The following CHD9 variants were observed in gnomAD, a reference collection of about 807,000 sequenced individuals.
CHD9 encodes ATP-dependent chromatin remodeler CHD9.
A neutral mutation model predicts 316.1 loss-of-function variants in CHD9; 77 were observed. The ratio of observed to expected loss-of-function variants is 0.24; its 90% CI spans 0.20 to 0.29. The LOEUF (loss-of-function observed/expected upper bound fraction) is 0.29. CHD9 is among the 10% of genes least tolerant of loss of function. CHD9 has a pLI of 1.00. For synonymous variants in CHD9, 1,129 were observed against 1,158.3 expected (o/e 0.97, Z 0.51); for missense variants, 2,763 against 3,438.1 (o/e 0.80, Z 4.91).
chr16:53,248,803 T>A (rs578066104), intron 16 of CHD9, among the ~76,000 whole-genome samples: 1 of 152,294 alleles, frequency 6.6e-6, no homozygotes, highest in East Asian at 1.9e-4. Context: ...ATTATAGGCA[T>A]GAGCCACTGC....
At chr16:53,301,628 C>G (rs959164754) in intron 30 of CHD9, among the ~76,000 whole-genome samples, 2 of 151,920 alleles carry the variant, frequency 1.3e-5, no homozygotes, top group Non-Finnish European at 2.9e-5. Flanking sequence ...GTTTCCTGCT[C>G]CATATTGATT....
chr16:53,110,374 A>G (rs959816690), intron 1 of CHD9, among the ~76,000 whole-genome samples: 7 of 152,184 alleles, frequency 4.6e-5, no homozygotes, highest in African/African-American at 1.4e-4. Flanking sequence ...AGGCCAGATG[A>G]TCAACTGAGC....
intron 34 of CHD9, among the ~76,000 whole-genome samples, chr16:53,309,506 T>C (rs2153090930): frequency 6.6e-6 from 1 of 152,380 alleles, no homozygotes; most frequent in Non-Finnish European, 1.5e-5. Flanking sequence ...ACAAACTATC[T>C]GTCTGTCTTC....
At chr16:53,091,730 G>C (rs549607962) in intron 1 of CHD9, among the ~76,000 whole-genome samples, 1 of 152,314 alleles carries the variant, frequency 6.6e-6, no homozygotes, top group South Asian at 2.1e-4. Context: ...GAGCAAACGA[G>C]TGCCTGGTGG....
At chr16:53,303,693 T>C in intron 30 of CHD9, 27 bp from the exon 31 acceptor site, 1 of 1,491,356 alleles carries the variant, frequency 6.7e-7, no homozygotes, top group Non-Finnish European at 9.0e-7. Context: ...TTGAGATTAA[T>C]ATTTTTGTCC....
chr16:53,129,682 A>G (rs2039130683), intron 1 of CHD9, among the ~76,000 whole-genome samples: 1 of 151,752 alleles, frequency 6.6e-6, no homozygotes, highest in South Asian at 2.1e-4. Context: ...CCTGCACTGG[A>G]TCGGAAATGG....
intron 1 of CHD9, among the ~76,000 whole-genome samples, chr16:53,102,753 G>A (rs1194021506): frequency 1.3e-5 from 2 of 152,116 alleles, no homozygotes; most frequent in African/African-American, 4.8e-5. Context: ...AGGAGGCTGA[G>A]GCAGACGGAT....
chr16:53,261,109 A>G lies in CHD9; in HGVS notation c.4210-1878A>G, dbSNP rs530357906. 2.2e-3 allele frequency among the ~76,000 whole-genome samples: 329 copies of G among 151,356 alleles called. 2 individuals are homozygous for G. Among genetic ancestry groups the G allele is most frequent in the African/African-American group, 6.9e-3 (287 of 41,320 alleles). On this transcript the variant is annotated intron_variant, in intron 19 of 38. Transcript: ENST00000447540. ...TTTAGAGAAAGCAAAAAAAAAAAAA[A>G]GGGAATTTAAATTCATTTCATTAAA...
intron 1 of CHD9, among the ~76,000 whole-genome samples, chr16:53,064,547 A>C (rs948888858): frequency 9.8e-5 from 15 of 152,300 alleles, no homozygotes; most frequent in African/African-American, 3.4e-4. Context: ...AGTGGGCTGG[A>C]GGCTGGTGAA....
chr16:53,324,827 G>A lies in CHD9; in HGVS notation c.8626G>A (p.Asp2876Asn), dbSNP rs2057484841. 6.2e-7 allele frequency: 1 copy of A among 1,612,280 alleles called. No individual in the cohort carries two copies. The highest frequency in any genetic ancestry group is 1.7e-5 in the Admixed American group (1 of 59,728). ...NSTDEGSEKA[D>N]ASSGSDSTSS... ...CACAGATGAGGGTTCAGAGAAAGCT[G>A]ATGCTTCATCTGGATCTGATAGTAC... is the stretch of plus-strand genomic sequence containing the variant. Residue 2876 changes from aspartate (D) to asparagine (N), a missense_variant, in exon 39 of 39, where the codon GAT becomes AAT. Around this residue, in one of 15 missense-constraint regions of CHD9, gnomAD observed 298 missense variants for 380.2 expected, o/e 0.78. Transcript: ENST00000447540.
At chr16:53,274,394 C>T in intron 24 of CHD9, 92 bp downstream of exon 24, 1 of 656,866 alleles carries the variant, frequency 1.5e-6, no homozygotes, top group Non-Finnish European at 2.6e-6. Context: ...CCCACCTCTG[C>T]CTCCTGAGAG....
chr16:53,123,051 TG>T (rs925405697), intron 1 of CHD9, among the ~76,000 whole-genome samples: 3 of 150,688 alleles, frequency 2.0e-5, no homozygotes, highest in Admixed American at 2.0e-4. Flanking sequence ...TTAGTACAGA[TG>T]GGGATTCACC....
chr16:53,209,408 A>T, intron 2 of CHD9, 74 bp from the exon 3 acceptor site: 1 of 1,047,058 alleles, frequency 9.6e-7, no homozygotes, highest in Non-Finnish European at 1.4e-6. Flanking sequence ...ATAATTTAAG[A>T]TTTTCAGATA....
chr16:53,305,100 C>T (rs1019287710), intron 31 of CHD9, among the ~76,000 whole-genome samples: 8 of 147,656 alleles, frequency 5.4e-5, no homozygotes, highest in African/African-American at 7.5e-5. Context: ...CTCGCTCTGT[C>T]GCCCAGGCTG....
chr16:53,068,253 T>A (rs1250038336), intron 1 of CHD9, among the ~76,000 whole-genome samples: 1 of 152,214 alleles, frequency 6.6e-6, no homozygotes, highest in African/African-American at 2.4e-5. Context: ...CCTCTATGAA[T>A]AGAAGTTGTT....
At chr16:53,273,117 A>C (rs2052445776) in intron 22 of CHD9, among the ~76,000 whole-genome samples, 1 of 152,034 alleles carries the variant, frequency 6.6e-6, no homozygotes, top group South Asian at 2.1e-4. Context: ...ACAAAAAAAA[A>C]CTAAGTAAAC....
At chr16:53,095,088 C>G (rs1204794139) in intron 1 of CHD9, among the ~76,000 whole-genome samples, 2 of 152,174 alleles carry the variant, frequency 1.3e-5, no homozygotes, top group African/African-American at 4.8e-5. Context: ...TACAGTCACT[C>G]CACTGCACGT....
At chr16:53,265,350 C>G (rs1284843754) in intron 20 of CHD9, among the ~76,000 whole-genome samples, 1 of 152,100 alleles carries the variant, frequency 6.6e-6, no homozygotes, top group Non-Finnish European at 1.5e-5. Context: ...TTGCAGTGAG[C>G]TGTGATTGTG....
At chr16:53,147,323 G>A (rs554826158) in intron 1 of CHD9, among the ~76,000 whole-genome samples, 9 of 152,264 alleles carry the variant, frequency 5.9e-5, no homozygotes, top group East Asian at 3.9e-4. Context: ...CTGGAAGAAC[G>A]TATATTCCTG....
Sources: allele counts gnomAD v4.1 joint callset (sites outside exome capture counted in the v4.1 genomes callset), GRCh38; gene constraint gnomAD v4.1.1; regional missense constraint gnomAD v4.1.1; transcripts MANE v1.5; gene names NCBI Gene and HGNC (gene_info 2026-07-23, HGNC 2026-07-21).